The following PDGFRA variants were observed in gnomAD, a reference collection of about 807,000 sequenced individuals.
PDGFRA encodes platelet-derived growth factor receptor alpha.
In PDGFRA, 25 loss-of-function variants were observed where a neutral mutation model predicts 121.5. That is an observed-to-expected ratio of 0.21 (90% CI 0.15 to 0.29). The LOEUF is 0.29. Among genes scored for constraint, PDGFRA ranks in the 10% least tolerant of loss-of-function variants. PDGFRA has a pLI of 1.00. For synonymous variants in PDGFRA, 463 were observed against 494.8 expected (o/e 0.94, Z 0.85); for missense variants, 1,008 against 1,345.1 (o/e 0.75, Z 3.92).
In PDGFRA at chr4:54,259,371, G is replaced by T. The variant is rs186263843; in HGVS notation, c.49+554G>T. Among the ~76,000 whole-genome samples the T allele has an allele frequency of 8.5e-5, 13 of 152,274 alleles. No individual in the cohort carries two copies. The East Asian group carries it at 2.3e-3, about 27-fold the overall frequency. On this transcript the variant is annotated intron_variant, in intron 2 of 22. Coordinates refer to ENST00000257290, the MANE Select transcript of PDGFRA (RefSeq NM_006206.6). The stretch of plus-strand genomic sequence containing the variant: ...AATTCTTGCCCAAGAAATCATACTT[G>T]TCTTAAATCATAACTCTCTTGAGGA...
rs1467315284 is a variant in PDGFRA, at chr4:54,270,700, C to A, written c.1189C>A (p.Gln397Lys). 1 of 1,611,370 alleles carries A rather than the reference C, an allele frequency of 6.2e-7. No individual in the cohort carries two copies. Among genetic ancestry groups the A allele is most frequent in the Non-Finnish European group, 8.5e-7 (1 of 1,177,696 alleles). Reference sequence around the variant, plus strand: ...CAGTGGCCATTATACTATTGTAGCTCAAAATGAAGATGCTGTGAAGAGCTA... The same window carrying A: ...CAGTGGCCATTATACTATTGTAGCTAAAAATGAAGATGCTGTGAAGAGCTA... ...EDSGHYTIVA[Q>K]NEDAVKSYTF... Residue 397 changes from glutamine (Q) to lysine (K), a missense_variant, in exon 8 of 23, where the codon CAA becomes AAA. Gln to Lys is a moderately conservative substitution (Grantham distance 53, BLOSUM62 1). Coordinates refer to ENST00000257290, the MANE Select transcript of PDGFRA (RefSeq NM_006206.6).
At chr4:54,264,237 C>T in intron 4 of PDGFRA, 1 of 485,166 alleles carries the variant, frequency 2.1e-6, no homozygotes, top group South Asian at 3.4e-5. Flanking sequence ...GCCCTAAAAA[C>T]AAACATACAC....
chr4:54,241,554 T>C (rs1721299604), intron 1 of PDGFRA, among the ~76,000 whole-genome samples: 2 of 150,718 alleles, frequency 1.3e-5, no homozygotes, highest in African/African-American at 4.9e-5. Context: ...TTTATTTATT[T>C]ATGATTTATT....
rs140814805 is a variant in PDGFRA at position 54,236,070 on chromosome 4, C to G, written c.-13+6655C>G. Among the ~76,000 whole-genome samples the G allele has an allele frequency of 9.1e-3, 1,393 of 152,278 alleles. 9 individuals carry two copies. Among genetic ancestry groups the G allele is most frequent in the Non-Finnish European group, 0.014 (981 of 68,026 alleles). ...CGGGGGGTCTCTTTCTCAGTTTGTT[C>G]CTCTAAGTTATGGCAAATGTTTTTT... is the stretch of plus-strand genomic sequence containing the variant. On this transcript the variant is annotated intron_variant, in intron 1 of 22. Transcript: ENST00000257290.
chr4:54,255,822 A>G (rs1276223276), intron 1 of PDGFRA, among the ~76,000 whole-genome samples: 1 of 151,420 alleles, frequency 6.6e-6, no homozygotes, highest in African/African-American at 2.4e-5. Context: ...TTTTTTTAAA[A>G]CAACAACAAC....
intron 5 of PDGFRA, among the ~76,000 whole-genome samples, chr4:54,266,411 C>CTTTTTTTTTTTTTTTTTTTTTT (rs552308043): frequency 3.1e-5 from 4 of 130,546 alleles, no homozygotes; most frequent in East Asian, 2.2e-4. Flanking sequence ...TTTCTTTTTT[C>CTTTTTTTTTTTTTTTTTTTTTT]TTTTTTTTTT....
intron 8 of PDGFRA, 89 bp from the exon 9 acceptor site, chr4:54,272,305 G>A: frequency 2.2e-6 from 3 of 1,391,368 alleles, no homozygotes; most frequent in South Asian, 2.3e-5. Flanking sequence ...ATGCCATGTA[G>A]ATGAGTTGTG....
intron 1 of PDGFRA, among the ~76,000 whole-genome samples, chr4:54,233,368 G>A (rs1202813104): frequency 6.6e-6 from 1 of 152,228 alleles, no homozygotes; most frequent in African/African-American, 2.4e-5. Context: ...CCCGGGCGAA[G>A]TCTGCGCGCA....
In PDGFRA at chr4:54,274,550, G is replaced by A. The variant is rs142562038; in HGVS notation, c.1578G>A (p.Thr526=). The change falls in exon 11 of 23, where the codon ACG becomes ACA. Residue 526 remains threonine, a synonymous_variant. Transcript: ENST00000257290. Reference sequence around the variant, plus strand: ...ACGTAGCCCTGCGTTCTGAACTCACGGTGGCTGCTGCAGTCCTGGTGCTGT... The same window carrying A: ...ACGTAGCCCTGCGTTCTGAACTCACAGTGGCTGCTGCAGTCCTGGTGCTGT... ...LVAPTLRSEL[T]VAAAVLVLLV... The A allele has an allele frequency of 6.8e-6, 11 of 1,613,540 alleles. No homozygotes were observed. The highest frequency in any genetic ancestry group is 2.7e-5 in the African/African-American group (2 of 74,908).
chr4:54,263,383 C>G (rs1722857606), intron 3 of PDGFRA, among the ~76,000 whole-genome samples: 1 of 152,054 alleles, frequency 6.6e-6, no homozygotes, highest in African/African-American at 2.4e-5. Flanking sequence ...CCTTGGCTTC[C>G]CAAAGTGCTG....
Position 54,264,669 on chromosome 4 carries a change from C to T in PDGFRA, c.629-250C>T, listed in dbSNP as rs570585119. The stretch of plus-strand genomic sequence containing the variant: ...ATAACTAACCCACTGCTGAGGAATG[C>T]GGTGTTCTGTTTGATTGGAATTTAT... On this transcript the variant is annotated intron_variant, in intron 4 of 22. Transcript: ENST00000257290. 372 of 415,472 alleles carry T rather than the reference C, an allele frequency of 9.0e-4. 7 individuals are homozygous for T. The highest frequency in any genetic ancestry group is 7.7e-3 in the South Asian group (350 of 45,296). 25.7% of individuals were successfully genotyped at this position (415,472 alleles called of 1,614,324 possible).
intron 2 of PDGFRA, among the ~76,000 whole-genome samples, chr4:54,259,130 A>G (rs1240778212): frequency 1.3e-5 from 2 of 152,050 alleles, no homozygotes; most frequent in African/African-American, 4.8e-5. Flanking sequence ...CAAGGCTTCT[A>G]TTAGAGCTGG....
chr4:54,280,489 G>C lies in PDGFRA; in HGVS notation c.2323+7G>C, dbSNP rs763780833. On this transcript the variant is annotated splice_region_variant and intron_variant, in intron 16 of 22. Transcript: ENST00000257290. Reference sequence around the variant, plus strand: ...AAGAAGAAATCTATGTTAGGTAAAAGTGTCTATACTCACTCTGGGTGTTGG... The same window carrying C: ...AAGAAGAAATCTATGTTAGGTAAAACTGTCTATACTCACTCTGGGTGTTGG... The C allele has an allele frequency of 4.4e-6, 7 of 1,607,374 alleles. No individual in the cohort carries two copies. The Admixed American group carries it at 8.3e-5, about 19-fold the overall frequency.
chr4:54,293,035 T>TA (rs925143604), intron 22 of PDGFRA, among the ~76,000 whole-genome samples: 5 of 151,782 alleles, frequency 3.3e-5, no homozygotes, highest in African/African-American at 9.7e-5. Flanking sequence ...AAATAAAAGT[T>TA]AAAAAAAAAT....
At chr4:54,287,357 C>G (rs1224805093) in intron 18 of PDGFRA, 73 bp from the exon 19 acceptor site, 6 of 782,862 alleles carry the variant, frequency 7.7e-6, no homozygotes, top group Non-Finnish European at 1.2e-5. Context: ...CAAGGGGAAC[C>G]CTTTTCTATT....
Position 54,290,512 on chromosome 4 carries a change from C to T in PDGFRA, c.3080C>T (p.Pro1027Leu), listed in dbSNP as rs755391122. The change falls in exon 22 of 23, where the codon CCT becomes CTT. Residue 1027 changes from proline to leucine, a missense_variant. Around this residue, in one of 5 missense-constraint regions of PDGFRA, gnomAD observed 204 missense variants for 243.0 expected, o/e 0.84. Coordinates refer to ENST00000257290, the MANE Select transcript of PDGFRA (RefSeq NM_006206.6). ...ATCATTCCTCTGCCTGACATTGACC[C>T]TGTCCCTGAGGAGGAGGACCTGGGC... ...GYIIPLPDID[P>L]VPEEEDLGKR... is the part of the protein sequence containing the mutation. The T allele has an allele frequency of 1.2e-6, 2 of 1,614,132 alleles. No individual in the cohort carries two copies. Among genetic ancestry groups the T allele is most frequent in the South Asian group, 2.2e-5 (2 of 91,082 alleles).
chr4:54,258,944 A>G, intron 2 of PDGFRA, 127 bp downstream of exon 2: 2 of 800,984 alleles, frequency 2.5e-6, no homozygotes, highest in South Asian at 2.9e-5. Context: ...ATAGAAAACT[A>G]TAGGACGTTA....
chr4:54,238,390 T>C (rs1577671963), intron 1 of PDGFRA, among the ~76,000 whole-genome samples: 1 of 152,344 alleles, frequency 6.6e-6, no homozygotes, highest in East Asian at 1.9e-4. Context: ...TCTCTCACTC[T>C]TTCTTTTTTT....
chr4:54,281,594 A>T (rs879750733), intron 16 of PDGFRA: 22 of 1,351,914 alleles, frequency 1.6e-5, no homozygotes, highest in African/African-American at 2.9e-5. Flanking sequence ...GGGCTGGTGG[A>T]GTTGGCACGA....
Sources: gnomAD v4.1 joint callset for allele counts (sites outside exome capture counted in the v4.1 genomes callset) on GRCh38, gnomAD v4.1.1 for gene constraint, gnomAD v4.1.1 regional missense constraint, MANE v1.5 for transcripts, NCBI Gene and HGNC (gene_info 2026-07-23, HGNC 2026-07-21) for gene names.